SRGAP3: variants seen among roughly 807,000 people sequenced by gnomAD.
SRGAP3 encodes SLIT-ROBO Rho GTPase-activating protein 3.
Under a neutral mutation model 121.1 loss-of-function variants are expected in SRGAP3, and 39 were observed. The observed-to-expected ratio is 0.32, with a 90% confidence interval of 0.25 to 0.42. The LOEUF (loss-of-function observed/expected upper bound fraction) is 0.42, where lower values mean the gene tolerates loss of function less well. Ranked by LOEUF, SRGAP3 falls within the 10% of genes least tolerant of loss-of-function variation. The pLI is 1.00. For synonymous variants in SRGAP3, 601 were observed against 570.0 expected, an observed-to-expected ratio of 1.05 and a Z score of -0.77; for missense variants, 1,213 against 1,470.6, an observed-to-expected ratio of 0.82 and a Z score of 2.86.
At chr3:9,040,110 C>A (rs1944948133) in intron 10 of SRGAP3, among the ~76,000 whole-genome samples, 1 of 152,210 alleles carries the variant, frequency 6.6e-6, no homozygotes, top group Non-Finnish European at 1.5e-5. Flanking sequence ...TTAGTCCATG[C>A]CATGCTTGTC....
intron 13 of SRGAP3, among the ~76,000 whole-genome samples, chr3:9,026,107 C>T (rs1203360560): frequency 2.0e-5 from 3 of 152,166 alleles, no homozygotes; most frequent in Non-Finnish European, 4.4e-5. Context: ...TTTCCACTCG[C>T]CATCCTCCAT....
At chr3:9,029,836 GA>G (rs369587621) in intron 12 of SRGAP3, among the ~76,000 whole-genome samples, 85 of 152,294 alleles carry the variant, frequency 5.6e-4, no homozygotes, top group African/African-American at 2.0e-3. Context: ...AGTACAGTGT[GA>G]CTATAAAGCA....
At chr3:9,267,334 T>C (rs533359290) in intron 3 of SRGAP3, among the ~76,000 whole-genome samples, 1 of 152,264 alleles carries the variant, frequency 6.6e-6, no homozygotes, top group Non-Finnish European at 1.5e-5. Flanking sequence ...TTAACAAATA[T>C]GGGATAAAAA....
chr3:9,081,518 T>TA (rs995569694), intron 3 of SRGAP3, among the ~76,000 whole-genome samples: 1 of 152,198 alleles, frequency 6.6e-6, no homozygotes, highest in African/African-American at 2.4e-5. Flanking sequence ...GATGCTATGC[T>TA]AAAAAGGGGG....
At chr3:9,278,036 C>T (rs545907010) in intron 3 of SRGAP3, among the ~76,000 whole-genome samples, 4 of 152,170 alleles carry the variant, frequency 2.6e-5, no homozygotes, top group African/African-American at 7.2e-5. Flanking sequence ...TCACCAGACA[C>T]GGAATCTGCA....
chr3:9,036,276 G>A (rs1035429900), intron 11 of SRGAP3: 3 of 152,202 alleles, frequency 2.0e-5, no homozygotes, highest in African/African-American at 4.8e-5. Flanking sequence ...GGAGTCCATG[G>A]AAGATACAGA....
At chr3:9,134,391 G>T (rs1229628494) in intron 1 of SRGAP3, among the ~76,000 whole-genome samples, 2 of 152,116 alleles carry the variant, frequency 1.3e-5, no homozygotes, top group Non-Finnish European at 2.9e-5. Flanking sequence ...TACCTTCCCA[G>T]TGTAAATTTT....
At chr3:9,272,449 G>A (rs764022646) in intron 3 of SRGAP3, among the ~76,000 whole-genome samples, 3 of 152,056 alleles carry the variant, frequency 2.0e-5, no homozygotes, top group Non-Finnish European at 4.4e-5. Flanking sequence ...TCTACTTTCT[G>A]TTTCCATGAA....
intron 1 of SRGAP3, among the ~76,000 whole-genome samples, chr3:9,242,596 C>T (rs1470495878): frequency 2.0e-5 from 3 of 152,258 alleles, no homozygotes; most frequent in Non-Finnish European, 2.9e-5. Flanking sequence ...GATCGTGCCA[C>T]TGCACTCCAG....
chr3:9,175,108 C>A (rs565433025), intron 1 of SRGAP3, among the ~76,000 whole-genome samples: 1 of 152,162 alleles, frequency 6.6e-6, no homozygotes, highest in Non-Finnish European at 1.5e-5. Context: ...ACCTAGGAGG[C>A]TGACAATGGT....
intron 3 of SRGAP3, among the ~76,000 whole-genome samples, chr3:9,318,622 C>T (rs1955388193): frequency 6.6e-6 from 1 of 151,438 alleles, no homozygotes; most frequent in South Asian, 2.1e-4. Context: ...TACCTGTAAT[C>T]CCAGCACTTT....
At chr3:9,195,293 T>C (rs1281710595) in intron 1 of SRGAP3, among the ~76,000 whole-genome samples, 1 of 152,244 alleles carries the variant, frequency 6.6e-6, no homozygotes, top group Non-Finnish European at 1.5e-5. Context: ...TAACTTTACA[T>C]GATTTAATTG....
At chr3:9,137,080 C>T (rs773156203) in intron 1 of SRGAP3, among the ~76,000 whole-genome samples, 1 of 152,134 alleles carries the variant, frequency 6.6e-6, no homozygotes, top group Non-Finnish European at 1.5e-5. Flanking sequence ...CTACTATTAT[C>T]CCGTTTTGCA....
At chr3:9,356,953 G>A (rs2442824) in intron 1 of SRGAP3, among the ~76,000 whole-genome samples, 125,411 of 152,228 alleles carry the variant, frequency 0.82, 52,344 homozygotes, top group East Asian at 1. Context: ...TTTGTAATTT[G>A]TATTTTTTTA....
chr3:9,030,234 G>A (rs1018509012), intron 12 of SRGAP3, among the ~76,000 whole-genome samples: 1 of 152,156 alleles, frequency 6.6e-6, no homozygotes, highest in African/African-American at 2.4e-5. Flanking sequence ...CCAGTCAAAT[G>A]AGTATTATTC....
chr3:9,249,057 C>A lies in SRGAP3; in HGVS notation c.-106G>T. On this transcript the variant is annotated 5_prime_UTR_variant, in exon 1 of 22. Transcript: ENST00000383836. ...AATCACACAGCTCTGGTCGATTTCA[C>A]AGGTTTAGGGACTAATCTCTTTCAC... The A allele has an allele frequency of 8.9e-7, 1 of 1,129,098 alleles. No homozygotes were observed. 69.9% of individuals were successfully genotyped at this position (1,129,098 alleles called of 1,614,324 possible).
At chr3:9,133,383 C>T (rs1287582454) in intron 1 of SRGAP3, among the ~76,000 whole-genome samples, 1 of 152,162 alleles carries the variant, frequency 6.6e-6, no homozygotes, top group Non-Finnish European at 1.5e-5. Context: ...AACTGTTAGG[C>T]TGAAGCGGGA....
intron 5 of SRGAP3, among the ~76,000 whole-genome samples, chr3:9,062,132 C>T (rs1946204900): frequency 6.6e-6 from 1 of 152,206 alleles, no homozygotes; most frequent in African/African-American, 2.4e-5. Context: ...CAGTGGACAA[C>T]TATGACCATG....
upstream of SRGAP3, among the ~76,000 whole-genome samples, chr3:9,254,629 AC>A (rs1428006050): frequency 6.6e-6 from 1 of 152,078 alleles, no homozygotes; most frequent in Non-Finnish European, 1.5e-5. Flanking sequence ...CCTCTTCTCT[AC>A]AAAAAATAAA....
Sources: allele counts gnomAD v4.1 joint callset (sites outside exome capture counted in the v4.1 genomes callset), GRCh38; gene constraint gnomAD v4.1.1; transcripts MANE v1.5; gene names NCBI Gene and HGNC (gene_info 2026-07-23, HGNC 2026-07-21).